RGS22: variants seen among roughly 807,000 people sequenced by gnomAD.
RGS22 encodes regulator of G-protein signaling 22.
A neutral mutation model predicts 172.9 loss-of-function variants in RGS22; 148 were observed. The ratio of observed to expected loss-of-function variants is 0.86; its 90% CI spans 0.75 to 0.98. The LOEUF is 0.98. RGS22 is among the 50% of genes least tolerant of loss of function. RGS22 has a pLI of 0.00. For missense variants in RGS22, 1,347 were observed against 1,440.8 expected (o/e 0.93, Z 1.05); for synonymous variants, 458 against 480.2 (o/e 0.95, Z 0.60).
intron 14 of RGS22, among the ~76,000 whole-genome samples, chr8:100,036,795 C>T (rs1191426771): frequency 6.6e-6 from 1 of 151,618 alleles, no homozygotes; most frequent in East Asian, 1.9e-4. Flanking sequence ...GATGCGGTCT[C>T]ACTTTGTTGT....
intron 23 of RGS22, among the ~76,000 whole-genome samples, chr8:99,974,489 T>C (rs938860395): frequency 2.0e-5 from 3 of 152,244 alleles, no homozygotes; most frequent in South Asian, 2.1e-4. Context: ...AAAAAAAAGA[T>C]TAAAACTGCA....
intron 6 of RGS22, among the ~76,000 whole-genome samples, chr8:100,069,767 G>A (rs1019407578): frequency 3.9e-5 from 6 of 152,076 alleles, no homozygotes. Flanking sequence ...CTTCAGACAC[G>A]AGGATAATAT....
At chr8:100,034,675 A>G (rs1819241719) in intron 14 of RGS22, among the ~76,000 whole-genome samples, 1 of 152,212 alleles carries the variant, frequency 6.6e-6, no homozygotes, top group African/African-American at 2.4e-5. Context: ...CTAAGCAAAA[A>G]GAACAAAGCT....
chr8:100,030,791 G>A (rs182354806), intron 14 of RGS22, among the ~76,000 whole-genome samples: 1 of 152,178 alleles, frequency 6.6e-6, no homozygotes, highest in Non-Finnish European at 1.5e-5. Context: ...AACTACTAAA[G>A]GATAGTCTTC....
intron 16 of RGS22, 63 bp from the exon 17 acceptor site, chr8:100,004,161 G>A (rs1815419453): frequency 7.6e-6 from 11 of 1,454,544 alleles, no homozygotes; most frequent in Middle Eastern, 1.8e-4. Flanking sequence ...ACAATTTTAA[G>A]TAGAGAAACT....
At chr8:100,012,893 T>A (rs1816537150) in intron 14 of RGS22, among the ~76,000 whole-genome samples, 1 of 152,068 alleles carries the variant, frequency 6.6e-6, no homozygotes. Flanking sequence ...AAAGATCTGA[T>A]GTGCTACATA....
chr8:100,067,042 A>C (rs1042243785), intron 6 of RGS22, among the ~76,000 whole-genome samples: 1 of 151,928 alleles, frequency 6.6e-6, no homozygotes, highest in Non-Finnish European at 1.5e-5. Flanking sequence ...GTCCTTTTTT[A>C]TTTTTACTAG....
intron 17 of RGS22, 32 bp from the exon 18 acceptor site, chr8:100,002,396 T>C (rs776674940): frequency 1.3e-6 from 2 of 1,555,506 alleles, no homozygotes; most frequent in Non-Finnish European, 1.7e-6. Context: ...TGTATAGCTC[T>C]TCATATTTCT....
intron 4 of RGS22, among the ~76,000 whole-genome samples, chr8:100,079,655 A>G (rs1487749008): frequency 1.3e-5 from 2 of 152,168 alleles, no homozygotes; most frequent in Non-Finnish European, 1.5e-5. Flanking sequence ...CAGAGGAGCC[A>G]ATATTAGAAC....
At chr8:100,072,834 C>T (rs1300747177) in intron 4 of RGS22, among the ~76,000 whole-genome samples, 5 of 152,008 alleles carry the variant, frequency 3.3e-5, no homozygotes, top group Non-Finnish European at 5.9e-5. Flanking sequence ...CTCTCTGACC[C>T]GAAGCAAAGC....
At chr8:100,001,223 T>TATATATATATATATATAC (rs1161222162) in intron 18 of RGS22, among the ~76,000 whole-genome samples, 2 of 130,754 alleles carry the variant, frequency 1.5e-5, no homozygotes, top group Non-Finnish European at 3.1e-5. Context: ...TATATATACA[T>TATATATATATATATATAC]ATATATATAT....
At chr8:99,990,019 A>G (rs766524232) in intron 20 of RGS22, among the ~76,000 whole-genome samples, 3 of 152,202 alleles carry the variant, frequency 2.0e-5, no homozygotes, top group Non-Finnish European at 2.9e-5. Context: ...TTTACTCTCA[A>G]TAATAAACTG....
At chr8:100,069,023 T>G (rs772061728) in intron 6 of RGS22, among the ~76,000 whole-genome samples, 11 of 151,744 alleles carry the variant, frequency 7.2e-5, no homozygotes, top group Non-Finnish European at 1.2e-4. Context: ...CTAAACATTA[T>G]CCAGTGGAAA....
chr8:99,991,727 A>G (rs1369415156), intron 20 of RGS22, among the ~76,000 whole-genome samples: 2 of 152,356 alleles, frequency 1.3e-5, no homozygotes, highest in South Asian at 2.1e-4. Flanking sequence ...TCCCCAACCC[A>G]GTAAGGCAGG....
At chr8:100,067,285 T>C (rs1810599858) in intron 6 of RGS22, among the ~76,000 whole-genome samples, 1 of 152,206 alleles carries the variant, frequency 6.6e-6, no homozygotes, top group African/African-American at 2.4e-5. Context: ...GTGGCATCTA[T>C]GTAGTCACCA....
At chr8:100,024,038 C>G (rs1224258692) in intron 14 of RGS22, 3 of 152,326 alleles carry the variant, frequency 2.0e-5, no homozygotes, top group Admixed American at 2.0e-4. Context: ...GCAATCTTGG[C>G]TCACTGCAAC....
chr8:100,091,081 T>C (rs7836343), intron 3 of RGS22, among the ~76,000 whole-genome samples: 7,847 of 152,200 alleles, frequency 0.052, 665 homozygotes, highest in African/African-American at 0.18. Flanking sequence ...GCTTCTAATA[T>C]TTAGCTAAGT....
At chr8:100,064,323 C>T (rs543983517) in intron 7 of RGS22, among the ~76,000 whole-genome samples, 1 of 152,080 alleles carries the variant, frequency 6.6e-6, no homozygotes, top group East Asian at 1.9e-4. Context: ...CAAAAATTAG[C>T]CAGGCTTGGT....
At chr8:100,101,918 T>C (rs1309589672) in intron 2 of RGS22, among the ~76,000 whole-genome samples, 1 of 152,038 alleles carries the variant, frequency 6.6e-6, no homozygotes, top group East Asian at 1.9e-4. Flanking sequence ...TTTTCTCATG[T>C]AATCAAAAGC....
Sources: gnomAD v4.1 joint callset for allele counts (sites outside exome capture counted in the v4.1 genomes callset) on GRCh38, gnomAD v4.1.1 for gene constraint, MANE v1.5 for transcripts, NCBI Gene and HGNC (gene_info 2026-07-23, HGNC 2026-07-21) for gene names.